ADGRL2: variants seen among roughly 807,000 people sequenced by gnomAD.
The protein encoded by ADGRL2 is calcium-independent alpha-latrotoxin receptor 2.
ADGRL2 carries 44 observed loss-of-function variants against 157.4 expected under a neutral mutation model. The ratio of observed to expected loss-of-function variants is 0.28; its 90% confidence interval spans 0.22 to 0.36. The LOEUF (loss-of-function observed/expected upper bound fraction) is 0.36. Ranked by LOEUF, ADGRL2 falls within the 10% of genes least tolerant of loss-of-function variation. The pLI is 1.00. For synonymous variants in ADGRL2, 585 were observed against 624.7 expected (o/e 0.94, Z 0.95); for missense variants, 1,510 against 1,768.9 (o/e 0.85, Z 2.63).
chr1:81,868,094 T>TGA (rs1553173766), intron 2 of ADGRL2, among the ~76,000 whole-genome samples: 8 of 150,538 alleles, frequency 5.3e-5, no homozygotes, highest in African/African-American at 1.7e-4. Context: ...TGTGTGTGTG[T>TGA]GATAAAAATT....
intron 2 of ADGRL2, among the ~76,000 whole-genome samples, chr1:81,452,443 G>A (rs2077719824): frequency 6.6e-6 from 1 of 152,024 alleles, no homozygotes; most frequent in Non-Finnish European, 1.5e-5. Flanking sequence ...GATACAAAGT[G>A]TATCCTCAGC....
intron 1 of ADGRL2, among the ~76,000 whole-genome samples, chr1:81,806,608 G>T (rs922738960): frequency 6.6e-6 from 1 of 151,948 alleles, no homozygotes; most frequent in Non-Finnish European, 1.5e-5. Flanking sequence ...AAATGTTATT[G>T]CTTTATTTTC....
chr1:81,327,671 ATCTT>A lies in ADGRL2; in HGVS notation c.-302+21167_-302+21170del, dbSNP rs570700855. 2.5e-4 allele frequency among the ~76,000 whole-genome samples: 38 copies of A among 152,324 alleles called. No individual in the cohort carries two copies. The South Asian group carries it at 6.2e-3, about 25-fold the overall frequency. ...GACCTTTAAAAAGTCAATATCAAATATCTTTCTTCAGATTCTTCTTGGCATTTGA... is the reference window on the plus strand; with the variant it reads ...GACCTTTAAAAAGTCAATATCAAATATCTTCAGATTCTTCTTGGCATTTGA... On this transcript the variant is annotated intron_variant, in intron 1 of 24. Transcript: ENST00000370721.
intron 1 of ADGRL2, among the ~76,000 whole-genome samples, chr1:81,802,673 C>G (rs963248344): frequency 2.0e-5 from 3 of 152,114 alleles, no homozygotes; most frequent in African/African-American, 7.2e-5. Context: ...AGCTTATTTG[C>G]TCCGGGCGCT....
chr1:81,564,353 G>A (rs756869709), intron 2 of ADGRL2, among the ~76,000 whole-genome samples: 1 of 152,218 alleles, frequency 6.6e-6, no homozygotes, highest in East Asian at 1.9e-4. Context: ...CTGCTATCCA[G>A]GTGACCACGA....
intron 1 of ADGRL2, among the ~76,000 whole-genome samples, chr1:81,316,995 A>G (rs1205601960): frequency 1.3e-5 from 2 of 152,184 alleles, no homozygotes; most frequent in African/African-American, 4.8e-5. Context: ...CCTAGTGTCC[A>G]ATGCTATCTG....
At chr1:81,520,121 T>A (rs2079277406) in intron 2 of ADGRL2, among the ~76,000 whole-genome samples, 1 of 152,132 alleles carries the variant, frequency 6.6e-6, no homozygotes, top group Non-Finnish European at 1.5e-5. Context: ...AAGCAAATGA[T>A]GAGAATGACA....
intron 2 of ADGRL2, among the ~76,000 whole-genome samples, chr1:81,533,797 A>G (rs2148272158): frequency 6.6e-6 from 1 of 152,256 alleles, no homozygotes; most frequent in African/African-American, 2.4e-5. Flanking sequence ...CCTCCCACCC[A>G]CACCCTCACA....
intron 2 of ADGRL2, among the ~76,000 whole-genome samples, chr1:81,520,991 T>C (rs1389574851): frequency 6.6e-6 from 1 of 152,226 alleles, no homozygotes; most frequent in Non-Finnish European, 1.5e-5. Context: ...GAAGAACATG[T>C]GCCCTAACTT....
At chr1:81,383,689 G>A (rs2076381975) in intron 1 of ADGRL2, among the ~76,000 whole-genome samples, 2 of 149,906 alleles carry the variant, frequency 1.3e-5, no homozygotes, top group Admixed American at 1.3e-4. Context: ...AAGGCCGGGT[G>A]CACGGTGGCT....
intron 2 of ADGRL2, among the ~76,000 whole-genome samples, chr1:81,894,714 T>C (rs923140578): frequency 2.7e-5 from 4 of 147,546 alleles, no homozygotes; most frequent in Non-Finnish European, 6.1e-5. Flanking sequence ...TGAGAAATTA[T>C]TTCAATATGT....
chr1:81,835,093 G>T (rs1356120112), intron 1 of ADGRL2, among the ~76,000 whole-genome samples: 1 of 152,104 alleles, frequency 6.6e-6, no homozygotes, highest in Non-Finnish European at 1.5e-5. Context: ...TTGAATAGTG[G>T]ATGACTGAAG....
intron 1 of ADGRL2, among the ~76,000 whole-genome samples, chr1:81,425,943 T>C (rs1293100077): frequency 6.6e-6 from 1 of 152,156 alleles, no homozygotes; most frequent in Non-Finnish European, 1.5e-5. Flanking sequence ...CATAGCTCAC[T>C]ACAGCCTTGA....
chr1:81,401,900 C>T (rs978421093), intron 1 of ADGRL2, among the ~76,000 whole-genome samples: 1 of 152,138 alleles, frequency 6.6e-6, no homozygotes, highest in Non-Finnish European at 1.5e-5. Context: ...ACATCCTCTC[C>T]TTAAAGATAA....
intron 2 of ADGRL2, among the ~76,000 whole-genome samples, chr1:81,862,823 G>T (rs1388539803): frequency 6.6e-6 from 1 of 152,156 alleles, no homozygotes; most frequent in Non-Finnish European, 1.5e-5. Flanking sequence ...TTGGAGGAGT[G>T]AATAAGTGAA....
chr1:81,373,936 A>T (rs1344295009), intron 1 of ADGRL2, among the ~76,000 whole-genome samples: 5 of 152,230 alleles, frequency 3.3e-5, no homozygotes, highest in Non-Finnish European at 7.3e-5. Context: ...AAATGTGATC[A>T]TGTAAAAATG....
intron 2 of ADGRL2, among the ~76,000 whole-genome samples, chr1:81,873,228 ATCT>A (rs1177980747): frequency 4.6e-5 from 7 of 152,034 alleles, no homozygotes; most frequent in African/African-American, 1.7e-4. Flanking sequence ...GAAACTGAAA[ATCT>A]TCTGTCCTGT....
chr1:81,922,376 A>G (rs2095002546), intron 3 of ADGRL2, among the ~76,000 whole-genome samples: 1 of 152,178 alleles, frequency 6.6e-6, no homozygotes, highest in South Asian at 2.1e-4. Context: ...GATCTTTCAA[A>G]GATTGTGTTT....
At chr1:81,903,002 T>C (rs960540136) in intron 2 of ADGRL2, among the ~76,000 whole-genome samples, 1 of 152,244 alleles carries the variant, frequency 6.6e-6, no homozygotes, top group Non-Finnish European at 1.5e-5. Flanking sequence ...ATCGATCACT[T>C]GAAATGTTGG....
Sources: allele counts gnomAD v4.1 joint callset (sites outside exome capture counted in the v4.1 genomes callset), GRCh38; gene constraint gnomAD v4.1.1; transcripts MANE v1.5; gene names NCBI Gene and HGNC (gene_info 2026-07-23, HGNC 2026-07-21).